The following GABRG3 variants were observed in gnomAD, a reference collection of about 807,000 sequenced individuals.
GABRG3 encodes gamma-aminobutyric acid receptor subunit gamma-3.
In GABRG3, 25 loss-of-function variants were observed where a neutral mutation model predicts 48.8. The ratio of observed to expected loss-of-function variants is 0.51; its 90% CI spans 0.37 to 0.72. The LOEUF is 0.72. Among genes scored for constraint, GABRG3 ranks in the 30% least tolerant of loss-of-function variants. The probability of loss-of-function intolerance (pLI) is 0.00; values close to 1 mark genes in which losing one functional copy is unlikely to be tolerated. For synonymous variants in GABRG3, 227 were observed against 217.6 expected (o/e 1.04, Z -0.38); for missense variants, 394 against 577.9 (o/e 0.68, Z 3.26).
chr15:27,159,646 A>T (rs1261427518), intron 3 of GABRG3, among the ~76,000 whole-genome samples: 2 of 152,052 alleles, frequency 1.3e-5, no homozygotes, highest in Non-Finnish European at 2.9e-5. Context: ...GAAACGCTAG[A>T]CTTTCCCTGT....
rs546129695 is a variant in GABRG3 at position 27,295,211 on chromosome 15, T to C, written c.271-31598T>C. 2.0e-5 allele frequency: 3 copies of C among 152,328 alleles called. No individual in the cohort carries two copies. The South Asian group carries it at 6.2e-4, about 32-fold the overall frequency. The allele number at this position is 152,328 out of a possible 1,614,324, so 9.4% of individuals were successfully genotyped here. Reference sequence around the variant, plus strand: ...AAGTGAGGCAGAGTAAGTTTTAAAATTAAATTTTATTATTTCGCCTTCCTT... The same window carrying C: ...AAGTGAGGCAGAGTAAGTTTTAAAACTAAATTTTATTATTTCGCCTTCCTT... On this transcript the variant is annotated intron_variant, in intron 3 of 9. Transcript: ENST00000615808.
At chr15:27,455,564 G>GGT (rs1038900900) in intron 5 of GABRG3, among the ~76,000 whole-genome samples, 4 of 150,936 alleles carry the variant, frequency 2.7e-5, no homozygotes, top group Non-Finnish European at 4.4e-5. Context: ...GTTTGTGTGT[G>GGT]GTGTGTGTGT....
chr15:27,199,212 T>G (rs561353088), intron 3 of GABRG3, among the ~76,000 whole-genome samples: 2 of 152,312 alleles, frequency 1.3e-5, no homozygotes, highest in South Asian at 2.1e-4. Context: ...ATTGACAGAC[T>G]GCTTTGTTTT....
chr15:27,368,341 G>A (rs991427532), intron 5 of GABRG3, among the ~76,000 whole-genome samples: 3 of 152,174 alleles, frequency 2.0e-5, no homozygotes, highest in African/African-American at 7.2e-5. Flanking sequence ...ATGCACTCAC[G>A]GAGTGCTAGG....
chr15:27,220,496 C>T (rs552983696), intron 3 of GABRG3, among the ~76,000 whole-genome samples: 1 of 152,190 alleles, frequency 6.6e-6, no homozygotes, highest in African/African-American at 2.4e-5. Context: ...TCTTTAGGCT[C>T]CTCAGGAAGA....
chr15:27,412,412 C>A (rs1337590233), intron 5 of GABRG3, among the ~76,000 whole-genome samples: 1 of 152,132 alleles, frequency 6.6e-6, no homozygotes, highest in South Asian at 2.1e-4. Flanking sequence ...GCATTTCAAC[C>A]ATATATAAAT....
chr15:27,007,415 C>T (rs1214156029), intron 2 of GABRG3, among the ~76,000 whole-genome samples: 1 of 152,070 alleles, frequency 6.6e-6, no homozygotes, highest in Non-Finnish European at 1.5e-5. Context: ...GATTTGTATT[C>T]CTTTGGTTAT....
chr15:27,265,318 A>G (rs1890883955), intron 3 of GABRG3, among the ~76,000 whole-genome samples: 1 of 152,250 alleles, frequency 6.6e-6, no homozygotes, highest in Non-Finnish European at 1.5e-5. Context: ...AACAAGTCAT[A>G]TTAAAAATAA....
intron 3 of GABRG3, among the ~76,000 whole-genome samples, chr15:27,316,387 C>CAA (rs749930128): frequency 0.085 from 3,330 of 39,330 alleles, 292 homozygotes; most frequent in African/African-American, 0.22. Context: ...GACTCCGTCT[C>CAA]AAAAAAAAAA....
intron 5 of GABRG3, among the ~76,000 whole-genome samples, chr15:27,381,427 C>G (rs1436854430): frequency 6.6e-6 from 1 of 152,218 alleles, no homozygotes; most frequent in Non-Finnish European, 1.5e-5. Flanking sequence ...AGTAGGGGGA[C>G]TCCCCCAAGA....
chr15:27,501,141 C>T (rs926380370), intron 6 of GABRG3, among the ~76,000 whole-genome samples: 7 of 152,024 alleles, frequency 4.6e-5, no homozygotes, highest in Admixed American at 6.5e-5. Context: ...TTAGTAGAGA[C>T]AGGGTTTCAC....
chr15:27,468,452 G>A (rs1889684532), intron 5 of GABRG3, among the ~76,000 whole-genome samples: 2 of 152,172 alleles, frequency 1.3e-5, no homozygotes, highest in Non-Finnish European at 2.9e-5. Flanking sequence ...TTGATAATGA[G>A]GTCCTAGGGG....
At chr15:27,346,092 A>G (rs1566797081) in intron 5 of GABRG3, among the ~76,000 whole-genome samples, 11 of 142,760 alleles carry the variant, frequency 7.7e-5, no homozygotes, top group East Asian at 2.0e-4. Flanking sequence ...GAGAGAAAGA[A>G]AGAAAGGAAA....
intron 6 of GABRG3, among the ~76,000 whole-genome samples, chr15:27,493,737 C>T (rs1005470560): frequency 4.6e-5 from 7 of 152,234 alleles, no homozygotes; most frequent in South Asian, 2.1e-4. Flanking sequence ...TAGACAGAAT[C>T]GATAGTCTCA....
At chr15:27,233,401 G>T (rs1003339856) in intron 3 of GABRG3, among the ~76,000 whole-genome samples, 1 of 152,136 alleles carries the variant, frequency 6.6e-6, no homozygotes, top group Non-Finnish European at 1.5e-5. Context: ...TAGAGTGGGG[G>T]CTTGCAAGCA....
intron 5 of GABRG3, among the ~76,000 whole-genome samples, chr15:27,335,914 G>T (rs548844421): frequency 1.3e-5 from 2 of 152,132 alleles, no homozygotes; most frequent in African/African-American, 4.8e-5. Context: ...CAGGCTGGGC[G>T]TGGTGGCTCA....
intron 3 of GABRG3, among the ~76,000 whole-genome samples, chr15:27,311,261 CAGT>C (rs900643687): frequency 3.5e-5 from 5 of 144,346 alleles, no homozygotes; most frequent in Non-Finnish European, 7.4e-5. Flanking sequence ...ACATCAAAGT[CAGT>C]AGGGAAATTT....
chr15:27,224,047 A>G (rs1889534065), intron 3 of GABRG3, among the ~76,000 whole-genome samples: 1 of 152,178 alleles, frequency 6.6e-6, no homozygotes, highest in Non-Finnish European at 1.5e-5. Context: ...TGGGGTACCC[A>G]GAGCGTGTGG....
Position 27,026,973 on chromosome 15 carries a change from T to TA in GABRG3, c.270+163dup, listed in dbSNP as rs28399527. ...ACACTTATTGGAATATTGAAAATGGTAAAAAAAAAAATGAAGAAAGATAGC... is the reference window on the plus strand; with the variant it reads ...ACACTTATTGGAATATTGAAAATGGTAAAAAAAAAAAATGAAGAAAGATAGC... On this transcript the variant is annotated intron_variant, in intron 3 of 9. Transcript: ENST00000615808. 1,711 of 465,532 alleles carry TA rather than the reference T, an allele frequency of 3.7e-3. 4 individuals carry two copies. Among genetic ancestry groups the TA allele is most frequent in the African/African-American group, 0.013 (668 of 50,066 alleles). The allele number at this position is 465,532 out of a possible 1,614,324, so 28.8% of individuals were successfully genotyped here. A position where few individuals can be genotyped will look rare whatever the true frequency, so the allele number is the denominator to read the frequency against.
Sources: gnomAD v4.1 joint callset for allele counts (sites outside exome capture counted in the v4.1 genomes callset) on GRCh38, gnomAD v4.1.1 for gene constraint, MANE v1.5 for transcripts, NCBI Gene and HGNC (gene_info 2026-07-23, HGNC 2026-07-21) for gene names.